TANC1: variants seen among roughly 807,000 people sequenced by gnomAD.
TANC1 encodes tetratricopeptide repeat, ankyrin repeat and coiled-coil containing 1, also known as protein TANC1.
A neutral mutation model predicts 149.7 loss-of-function variants in TANC1; 77 were observed. That is an observed-to-expected ratio of 0.51 (90% CI 0.43 to 0.62). TANC1 has a LOEUF of 0.62. Ranked by LOEUF, TANC1 falls within the 20% of genes least tolerant of loss-of-function variation. The pLI, the probability that TANC1 is intolerant of heterozygous loss-of-function variation, is 0.00. For missense variants in TANC1, 1,985 were observed against 2,321.8 expected, an observed-to-expected ratio of 0.85 and a Z score of 2.98; for synonymous variants, 854 against 925.0, an observed-to-expected ratio of 0.92 and a Z score of 1.39.
chr2:159,095,148 G>A (rs1005018239), intron 3 of TANC1, among the ~76,000 whole-genome samples: 23 of 151,800 alleles, frequency 1.5e-4, no homozygotes, highest in African/African-American at 3.6e-4. Flanking sequence ...GGGTTTCACC[G>A]TGTTGGCCAG....
intron 2 of TANC1, among the ~76,000 whole-genome samples, chr2:159,007,435 C>T (rs1283760028): frequency 6.6e-6 from 1 of 152,124 alleles, no homozygotes; most frequent in Non-Finnish European, 1.5e-5. Flanking sequence ...CATGAGCCAC[C>T]GCACCTGGCC....
intron 2 of TANC1, among the ~76,000 whole-genome samples, chr2:159,064,786 C>A (rs1357300774): frequency 6.6e-6 from 1 of 152,178 alleles, no homozygotes; most frequent in African/African-American, 2.4e-5. Flanking sequence ...ACTCTGGGGG[C>A]TGAGAGGTGG....
intron 2 of TANC1, among the ~76,000 whole-genome samples, chr2:159,016,732 G>A (rs143378707): frequency 0.09 from 13,660 of 151,726 alleles, 661 homozygotes; most frequent in Non-Finnish European, 0.11. Flanking sequence ...CCCCCACCAC[G>A]CCTGGCTAAT....
chr2:159,051,651 T>TTGTATGTGTGTGTGTG (rs1412892744), intron 2 of TANC1, among the ~76,000 whole-genome samples: 1 of 142,862 alleles, frequency 7.0e-6, no homozygotes, highest in African/African-American at 2.6e-5. Context: ...GAAGTGGTGT[T>TTGTATGTGTGTGTGTG]TGTGTGTGTG....
chr2:159,000,886 G>A (rs1246569207), intron 1 of TANC1, among the ~76,000 whole-genome samples, 194 bp from the exon 2 acceptor site: 2 of 152,146 alleles, frequency 1.3e-5, no homozygotes, highest in Non-Finnish European at 2.9e-5. Context: ...CTGACCCTGC[G>A]CTGGACACTG....
rs59509568 is a variant in TANC1 at position 159,117,701 on chromosome 2, C to CTTTT, written c.260-18466_260-18463dup. Among the ~76,000 whole-genome samples, 67 of 113,254 alleles carry CTTTT rather than the reference C, an allele frequency of 5.9e-4. 1 individual carries two copies. The highest frequency in any genetic ancestry group is 2.2e-3 in the African/African-American group (61 of 27,128). The allele number at this position is 113,254 out of a possible 152,430, so 74.3% of individuals were successfully genotyped here. ...GTGAGCCACCGTGCCCGGCCTATTCCTTTTTTTTTTTTTTTTTTTTTTTTT... is the reference window on the plus strand; with the variant it reads ...GTGAGCCACCGTGCCCGGCCTATTCCTTTTTTTTTTTTTTTTTTTTTTTTTTTTT... On this transcript the variant is annotated intron_variant, in intron 4 of 26. Transcript: ENST00000263635.
In TANC1 at chr2:158,968,660, T is replaced by C; in HGVS notation, c.-248T>C. ...GCGGAGGCTTTGCTGTGGCAGCTGCTGGAGCGGCGGCCGCCTCGGGAGCCG... is the reference window on the plus strand; with the variant it reads ...GCGGAGGCTTTGCTGTGGCAGCTGCCGGAGCGGCGGCCGCCTCGGGAGCCG... On this transcript the variant is annotated 5_prime_UTR_variant, in exon 1 of 27. Transcript: ENST00000263635. The C allele has an allele frequency of 6.6e-6, 1 of 152,404 alleles. No individual in the cohort carries two copies. The highest frequency in any genetic ancestry group is 1.5e-5 in the Non-Finnish European group (1 of 68,148). 9.4% of individuals were successfully genotyped at this position (152,404 alleles called of 1,614,324 possible).
chr2:159,136,292 G>A lies in TANC1; in HGVS notation c.358G>A (p.Glu120Lys). ...REVAKPTEPDEHEAKADNEPS... is the reference protein window; with the variant it reads ...REVAKPTEPDKHEAKADNEPS... ...AGTAGCCAAGCCAACAGAGCCTGAT[G>A]AGCATGGTAAGAATTTCAGTGATTT... The change falls in exon 5 of 27, where the codon GAG (glutamate) becomes AAG (lysine). Residue 120 changes from glutamate to lysine, a missense_variant. Coordinates refer to ENST00000263635, the MANE Select transcript of TANC1 (RefSeq NM_033394.3). The A allele has an allele frequency of 6.3e-7, 1 of 1,578,322 alleles. No homozygotes were observed. The highest frequency in any genetic ancestry group is 1.1e-5 in the South Asian group (1 of 90,332).
intron 2 of TANC1, chr2:159,056,001 A>G (rs567160803): frequency 1.6e-5 from 5 of 310,260 alleles, no homozygotes; most frequent in Non-Finnish European, 2.6e-5. Context: ...CTCAGCATAA[A>G]AGCTTGTTGC....
intron 1 of TANC1, among the ~76,000 whole-genome samples, chr2:158,980,993 G>A (rs561035747): frequency 3.2e-4 from 49 of 152,078 alleles, no homozygotes; most frequent in African/African-American, 1.1e-3. Flanking sequence ...TTCCTGTGGC[G>A]GTGTTTACCT....
At chr2:158,998,436 C>T (rs972181524) in intron 1 of TANC1, among the ~76,000 whole-genome samples, 2 of 152,168 alleles carry the variant, frequency 1.3e-5, no homozygotes, top group Non-Finnish European at 2.9e-5. Context: ...CTACCCCCAA[C>T]AAAAATTTGT....
intron 22 of TANC1, among the ~76,000 whole-genome samples, chr2:159,223,968 C>T (rs558513872): frequency 3.9e-5 from 6 of 152,310 alleles, no homozygotes; most frequent in East Asian, 3.9e-4. Context: ...AGACAGATCA[C>T]GCATGTGTGC....
At chr2:159,201,251 A>C (rs1197078298) in intron 19 of TANC1, among the ~76,000 whole-genome samples, 2 of 152,186 alleles carry the variant, frequency 1.3e-5, no homozygotes, top group African/African-American at 4.8e-5. Context: ...AGGGGGTTTC[A>C]GCTGAGAGAA....
At chr2:159,207,697 CAAAAAAAAAAA>C (rs10603858) in intron 19 of TANC1, among the ~76,000 whole-genome samples, 19 of 49,432 alleles carry the variant, frequency 3.8e-4, no homozygotes, top group South Asian at 2.9e-3. Flanking sequence ...ACACGTGTCT[CAAAAAAAAAAA>C]AAAAAAAAAA....
intron 19 of TANC1, among the ~76,000 whole-genome samples, chr2:159,201,558 T>G (rs949698144): frequency 6.6e-6 from 1 of 152,166 alleles, no homozygotes; most frequent in African/African-American, 2.4e-5. Context: ...GGGAAAGTAG[T>G]GGTTTTGCAT....
At chr2:159,048,820 G>T (rs983354520) in intron 2 of TANC1, among the ~76,000 whole-genome samples, 19 of 152,132 alleles carry the variant, frequency 1.2e-4, no homozygotes, top group African/African-American at 4.6e-4. Context: ...TTGTAGAGAT[G>T]GGCTCTTGCT....
chr2:159,048,020 C>G (rs550756511), intron 2 of TANC1, among the ~76,000 whole-genome samples: 3 of 152,050 alleles, frequency 2.0e-5, no homozygotes, highest in Non-Finnish European at 4.4e-5. Flanking sequence ...CACAGCTATT[C>G]TGAGGGATGT....
At chr2:159,091,775 G>A (rs984483526) in intron 3 of TANC1, among the ~76,000 whole-genome samples, 2 of 152,172 alleles carry the variant, frequency 1.3e-5, no homozygotes, top group Non-Finnish European at 2.9e-5. Context: ...AATTAATCAT[G>A]ATTGTCTGAA....
intron 5 of TANC1, among the ~76,000 whole-genome samples, chr2:159,147,320 C>T (rs2052245154): frequency 6.6e-6 from 1 of 152,138 alleles, no homozygotes; most frequent in Admixed American, 6.5e-5. Context: ...GGAGATCTGC[C>T]CCCTCACCCA....
Sources: gnomAD v4.1 joint callset for allele counts (sites outside exome capture counted in the v4.1 genomes callset) on GRCh38, gnomAD v4.1.1 for gene constraint, MANE v1.5 for transcripts, NCBI Gene and HGNC (gene_info 2026-07-23, HGNC 2026-07-21) for gene names.